The following MGLL variants were observed in gnomAD, a reference collection of about 807,000 sequenced individuals.
The protein encoded by MGLL is monoglyceride lipase.
Under a neutral mutation model 29.1 loss-of-function variants are expected in MGLL, and 7 were observed. The ratio of observed to expected loss-of-function variants is 0.24; its 90% CI spans 0.14 to 0.45. The LOEUF (loss-of-function observed/expected upper bound fraction) is 0.45, where lower values mean the gene tolerates loss of function less well. Among genes scored for constraint, MGLL ranks in the 20% least tolerant of loss-of-function variants. The pLI is 0.99. For synonymous variants in MGLL, 148 were observed against 168.3 expected, an observed-to-expected ratio of 0.88 and a Z score of 0.93; for missense variants, 356 against 413.6, an observed-to-expected ratio of 0.86 and a Z score of 1.21.
chr3:127,757,404 T>C (rs952637342), intron 3 of MGLL, among the ~76,000 whole-genome samples: 1 of 152,218 alleles, frequency 6.6e-6, no homozygotes, highest in African/African-American at 2.4e-5. Flanking sequence ...AATTAGAAAC[T>C]GCCCTAGGCA....
chr3:127,730,143 G>A (rs594323), intron 3 of MGLL, among the ~76,000 whole-genome samples: 80,782 of 152,066 alleles, frequency 0.53, 22,492 homozygotes, highest in African/African-American at 0.7. Flanking sequence ...CTAGATTTCT[G>A]CATCCAGTCT....
At chr3:127,701,562 G>A (rs1478625648) in intron 6 of MGLL, among the ~76,000 whole-genome samples, 1 of 152,070 alleles carries the variant, frequency 6.6e-6, no homozygotes, top group African/African-American at 2.4e-5. Flanking sequence ...GTATGGCCTG[G>A]GACACCTCCA....
At chr3:127,736,097 G>A (rs2076237970) in intron 3 of MGLL, 1 of 1,202,606 alleles carries the variant, frequency 8.3e-7, no homozygotes, top group Non-Finnish European at 1.0e-6. Flanking sequence ...CCCAAACAGT[G>A]CTAGTTCCAT....
At chr3:127,731,570 C>G (rs1259692350) in intron 3 of MGLL, among the ~76,000 whole-genome samples, 4 of 152,124 alleles carry the variant, frequency 2.6e-5, no homozygotes, top group Non-Finnish European at 5.9e-5. Context: ...GCCACTGTCC[C>G]CCTGTCCTGA....
chr3:127,716,961 C>T (rs2107616308), intron 5 of MGLL, among the ~76,000 whole-genome samples: 1 of 152,258 alleles, frequency 6.6e-6, no homozygotes, highest in South Asian at 2.1e-4. Flanking sequence ...AAGGCCAGGA[C>T]ATTTGTTTCC....
intron 3 of MGLL, among the ~76,000 whole-genome samples, chr3:127,728,513 A>G (rs2076088572): frequency 6.6e-6 from 1 of 152,188 alleles, no homozygotes; most frequent in Non-Finnish European, 1.5e-5. Context: ...CACGTTTAAC[A>G]TATTCTGGAG....
intron 2 of MGLL, among the ~76,000 whole-genome samples, chr3:127,796,442 A>G (rs1335227706): frequency 6.6e-6 from 1 of 152,182 alleles, no homozygotes; most frequent in Non-Finnish European, 1.5e-5. Context: ...TTTAGCTTGG[A>G]CTGTCATTAA....
chr3:127,812,467 GA>G (rs1026482953), intron 2 of MGLL, among the ~76,000 whole-genome samples: 1 of 151,978 alleles, frequency 6.6e-6, no homozygotes, highest in Admixed American at 6.6e-5. Context: ...AAAAAGTTAA[GA>G]AAAAAAAGGT....
chr3:127,736,439 A>G (rs2076243898), intron 3 of MGLL: 2 of 759,872 alleles, frequency 2.6e-6, no homozygotes, highest in Admixed American at 6.3e-5. Flanking sequence ...GGTCCTAGAG[A>G]GAACACGTGA....
At chr3:127,710,213 T>C (rs935887390) in intron 6 of MGLL, among the ~76,000 whole-genome samples, 11 of 152,288 alleles carry the variant, frequency 7.2e-5, no homozygotes, top group African/African-American at 2.6e-4. Flanking sequence ...AATAAGACTT[T>C]CAACGCCCTG....
chr3:127,695,219 G>C, intron 6 of MGLL, 29 bp from the exon 7 acceptor site: 1 of 1,598,296 alleles, frequency 6.3e-7, no homozygotes, highest in African/African-American at 1.3e-5. Context: ...GGTTCCATCA[G>C]CATGGGCAGG....
At chr3:127,720,313 C>T (rs901821923) in intron 5 of MGLL, among the ~76,000 whole-genome samples, 8 of 152,180 alleles carry the variant, frequency 5.3e-5, no homozygotes, top group Admixed American at 5.2e-4. Context: ...TTGGGATTCT[C>T]CACCCTCACT....
At chr3:127,782,241 A>G (rs1230581750) in intron 2 of MGLL, among the ~76,000 whole-genome samples, 1 of 151,846 alleles carries the variant, frequency 6.6e-6, no homozygotes, top group Non-Finnish European at 1.5e-5. Context: ...AGAAAAGAAA[A>G]GAAACGCCCA....
At chr3:127,740,567 G>C (rs1437317640) in intron 3 of MGLL, among the ~76,000 whole-genome samples, 2 of 152,212 alleles carry the variant, frequency 1.3e-5, no homozygotes, top group African/African-American at 4.8e-5. Flanking sequence ...GGCTCTGCGG[G>C]GGCCCTGAGG....
chr3:127,779,757 A>C (rs1369616182), intron 3 of MGLL, among the ~76,000 whole-genome samples: 1 of 152,204 alleles, frequency 6.6e-6, no homozygotes, highest in Non-Finnish European at 1.5e-5. Context: ...AGAAGGTTTG[A>C]CCTGGGTTCA....
At chr3:127,794,142 T>G (rs1240049022) in intron 2 of MGLL, among the ~76,000 whole-genome samples, 1 of 152,114 alleles carries the variant, frequency 6.6e-6, no homozygotes, top group Non-Finnish European at 1.5e-5. Flanking sequence ...AAACCCCATC[T>G]CTACCAAAAA....
At chr3:127,711,413 C>T (rs2075710598) in intron 5 of MGLL, 2 of 152,458 alleles carry the variant, frequency 1.3e-5, no homozygotes, top group African/African-American at 4.8e-5. Flanking sequence ...CAAACCTTCC[C>T]ACCCCCTCCC....
intron 3 of MGLL, among the ~76,000 whole-genome samples, chr3:127,775,206 A>C (rs1559961802): frequency 1.3e-5 from 2 of 152,166 alleles, no homozygotes; most frequent in Admixed American, 6.5e-5. Flanking sequence ...CAGCAAGTTC[A>C]CTGTCACCCA....
At chr3:127,699,745 T>A (rs782435) in intron 6 of MGLL, among the ~76,000 whole-genome samples, 5,280 of 152,244 alleles carry the variant, frequency 0.035, 224 homozygotes, top group African/African-American at 0.097. Flanking sequence ...GCAGGGGCAC[T>A]AGTGCTCTCA....
Sources: gnomAD v4.1 joint callset for allele counts (sites outside exome capture counted in the v4.1 genomes callset) on GRCh38, gnomAD v4.1.1 for gene constraint, MANE v1.5 for transcripts, NCBI Gene and HGNC (gene_info 2026-07-23, HGNC 2026-07-21) for gene names.